The following ROBO1 variants were observed in gnomAD, a reference collection of about 807,000 sequenced individuals.
ROBO1 encodes roundabout guidance receptor 1.
A neutral mutation model predicts 195.9 loss-of-function variants in ROBO1; 149 were observed. The ratio of observed to expected loss-of-function variants is 0.76; its 90% CI spans 0.67 to 0.87. The LOEUF (loss-of-function observed/expected upper bound fraction) is 0.87, where lower values mean the gene tolerates loss of function less well. Among genes scored for constraint, ROBO1 ranks in the 40% least tolerant of loss-of-function variants. ROBO1 has a pLI of 0.00. For missense variants in ROBO1, 1,933 were observed against 2,068.3 expected (o/e 0.93, Z 1.27); for synonymous variants, 816 against 733.2 (o/e 1.11, Z -1.82).
At chr3:79,196,227 G>A (rs1261583797) in intron 2 of ROBO1, among the ~76,000 whole-genome samples, 1 of 150,200 alleles carries the variant, frequency 6.7e-6, no homozygotes, top group Non-Finnish European at 1.5e-5. Context: ...TCTCAGAAAA[G>A]ATGGCATCTA....
chr3:79,322,076 G>A (rs2034004871), intron 2 of ROBO1, among the ~76,000 whole-genome samples: 1 of 152,158 alleles, frequency 6.6e-6, no homozygotes, highest in Admixed American at 6.5e-5. Flanking sequence ...CAATGGTTTA[G>A]ATAATTTGCA....
intron 2 of ROBO1, among the ~76,000 whole-genome samples, chr3:79,496,436 T>A (rs1261552949): frequency 8.1e-6 from 1 of 123,072 alleles, no homozygotes; most frequent in Non-Finnish European, 1.7e-5. Flanking sequence ...GACTGCGGAC[T>A]GCAGTGGCGC....
intron 1 of ROBO1, among the ~76,000 whole-genome samples, chr3:79,740,087 A>C (rs1038673622): frequency 6.6e-6 from 1 of 150,908 alleles, no homozygotes; most frequent in Non-Finnish European, 1.5e-5. Flanking sequence ...AATATAAAAT[A>C]ATAATTTACA....
At chr3:78,935,703 A>G (rs2039768885) in intron 4 of ROBO1, among the ~76,000 whole-genome samples, 1 of 152,096 alleles carries the variant, frequency 6.6e-6, no homozygotes. Context: ...TCTTAAAAAC[A>G]GCAAAGTATT....
intron 2 of ROBO1, among the ~76,000 whole-genome samples, chr3:79,559,424 G>GA (rs1942826645): frequency 6.6e-6 from 1 of 152,054 alleles, no homozygotes; most frequent in Admixed American, 6.6e-5. Flanking sequence ...CTACTATAGG[G>GA]AAAAAAGAAG....
At chr3:79,613,250 A>G (rs192180830) in intron 1 of ROBO1, among the ~76,000 whole-genome samples, 69 of 152,170 alleles carry the variant, frequency 4.5e-4, no homozygotes, top group Admixed American at 2.0e-3. Flanking sequence ...TTATAGGGTT[A>G]ACATTGTTTT....
chr3:78,628,035 C>A (rs1704928952), intron 25 of ROBO1, among the ~76,000 whole-genome samples: 2 of 150,660 alleles, frequency 1.3e-5, no homozygotes, highest in African/African-American at 4.9e-5. Context: ...CTCAACGCAA[C>A]CTCCACCTCC....
At position 78,822,093 on chromosome 3, in the gene ROBO1, TAC is replaced by T. The variant is rs113114251; in HGVS notation, c.500-75195_500-75194del. ...AGTCTCTGGGAAACACACATATACA[TAC>T]ACACACACACACACACACACACACA... is the stretch of plus-strand genomic sequence containing the variant. On this transcript the variant is annotated intron_variant, in intron 4 of 30. Transcript: ENST00000464233. Among the ~76,000 whole-genome samples the T allele has an allele frequency of 7.0e-3, 1,033 of 146,586 alleles. 4 individuals are homozygous for T. Among genetic ancestry groups the T allele is most frequent in the African/African-American group, 0.013 (523 of 39,922 alleles).
intron 2 of ROBO1, among the ~76,000 whole-genome samples, chr3:79,338,325 A>G (rs181523648): frequency 6.6e-6 from 1 of 152,264 alleles, no homozygotes; most frequent in African/African-American, 2.4e-5. Flanking sequence ...ATAAATTTAC[A>G]TTTCTCTCAA....
chr3:78,884,388 G>A (rs910217722), intron 4 of ROBO1, among the ~76,000 whole-genome samples: 4 of 151,898 alleles, frequency 2.6e-5, no homozygotes, highest in African/African-American at 9.7e-5. Flanking sequence ...AAGGTGGGAG[G>A]ATTGTTTGAG....
chr3:79,651,776 T>C (rs550197211), intron 1 of ROBO1, among the ~76,000 whole-genome samples: 1 of 152,284 alleles, frequency 6.6e-6, no homozygotes, highest in South Asian at 2.1e-4. Context: ...ATACTTTCAT[T>C]CCACTTACAT....
Position 78,685,793 on chromosome 3 carries a change from T to G in ROBO1, c.1295A>C (p.Asn432Thr). 1 of 1,612,496 alleles carries G rather than the reference T, an allele frequency of 6.2e-7. No homozygotes were observed. Among genetic ancestry groups the G allele is most frequent in the Non-Finnish European group, 8.5e-7 (1 of 1,178,854 alleles). The change falls in exon 10 of 31, where the codon AAT becomes ACT. Residue 432 changes from asparagine (N) to threonine (T), a missense_variant. Asn to Thr is a moderately conservative substitution (Grantham distance 65). This residue lies in a region of ROBO1 where 1,737 missense variants were observed against 1,882.5 expected (regional missense o/e 0.92). Transcript: ENST00000464233. ...DVGYYICQTL[N>T]VAGSIITKAY... ...CTTTGTGATGATGCTTCCAGCAACATTTAAAGTCTGGCAGATGTAATAACC... is the reference window on the plus strand; with the variant it reads ...CTTTGTGATGATGCTTCCAGCAACAGTTAAAGTCTGGCAGATGTAATAACC...
In ROBO1 at chr3:79,113,917, A is replaced by G. The variant is rs894974058; in HGVS notation, c.172+11539T>C. Among the ~76,000 whole-genome samples the G allele has an allele frequency of 3.3e-5, 5 of 152,288 alleles. No individual in the cohort carries two copies. In the East Asian group the frequency reaches 9.6e-4, roughly 29 times the overall value. On this transcript the variant is annotated intron_variant, in intron 3 of 30. Coordinates refer to ENST00000464233, the MANE Select transcript of ROBO1 (RefSeq NM_002941.4). ...ATATGGTTTGGCTGCGTCCCCACCT[A>G]AATCTCACCTTCAATTGCAATAATC...
At chr3:78,667,299 G>A (rs947750936) in intron 14 of ROBO1, among the ~76,000 whole-genome samples, 1 of 152,070 alleles carries the variant, frequency 6.6e-6, no homozygotes, top group Non-Finnish European at 1.5e-5. Flanking sequence ...ACTAACAGGT[G>A]TATATATTTA....
chr3:78,745,025 G>A (rs2082622315), intron 5 of ROBO1, among the ~76,000 whole-genome samples: 1 of 151,966 alleles, frequency 6.6e-6, no homozygotes, highest in South Asian at 2.1e-4. Context: ...TAAGAATTTT[G>A]TTGGCCGGGC....
chr3:78,643,935 G>A (rs534140212), intron 21 of ROBO1, among the ~76,000 whole-genome samples: 1 of 152,076 alleles, frequency 6.6e-6, no homozygotes, highest in Non-Finnish European at 1.5e-5. Flanking sequence ...GGATACAGGA[G>A]GTCCAAGAGG....
At position 78,952,116 on chromosome 3, in the gene ROBO1, G is replaced by A. The variant is rs113795258; in HGVS notation, c.173-13189C>T. Among the ~76,000 whole-genome samples, 563 of 151,046 alleles carry A rather than the reference G, an allele frequency of 3.7e-3. 3 individuals are homozygous for A. The highest frequency in any genetic ancestry group is 0.013 in the African/African-American group (548 of 41,282). On this transcript the variant is annotated intron_variant, in intron 3 of 30. Transcript: ENST00000464233. ...CAGTATTTATTTTATTAGTAGTTTT[G>A]TTTTGATCCAACCGTTTTCATACTC...
intron 3 of ROBO1, among the ~76,000 whole-genome samples, chr3:79,103,151 C>T (rs758995907): frequency 6.6e-6 from 1 of 151,688 alleles, no homozygotes; most frequent in Non-Finnish European, 1.5e-5. Context: ...ATTATATTAG[C>T]ATATTGTTTG....
chr3:79,747,006 C>T (rs976153442), intron 1 of ROBO1, among the ~76,000 whole-genome samples: 1 of 151,984 alleles, frequency 6.6e-6, no homozygotes, highest in African/African-American at 2.4e-5. Context: ...AATTTCTAAG[C>T]TATGTATTCA....
Sources: gnomAD v4.1 joint callset for allele counts (sites outside exome capture counted in the v4.1 genomes callset) on GRCh38, gnomAD v4.1.1 for gene constraint, gnomAD v4.1.1 regional missense constraint, MANE v1.5 for transcripts, NCBI Gene and HGNC (gene_info 2026-07-23, HGNC 2026-07-21) for gene names.